The following TENM4 variants were observed in gnomAD, a reference collection of about 807,000 sequenced individuals.
The protein encoded by TENM4 is teneurin-4.
Under a neutral mutation model 243.3 loss-of-function variants are expected in TENM4, and 82 were observed. The ratio of observed to expected loss-of-function variants is 0.34; its 90% CI spans 0.28 to 0.40. The LOEUF is 0.40. TENM4 is among the 10% of genes least tolerant of loss of function. TENM4 has a pLI of 1.00. For missense variants in TENM4, 3,138 were observed against 3,673.3 expected, an observed-to-expected ratio of 0.85 and a Z score of 3.77; for synonymous variants, 1,412 against 1,456.3, an observed-to-expected ratio of 0.97 and a Z score of 0.69.
intron 3 of TENM4, among the ~76,000 whole-genome samples, chr11:79,174,250 G>T (rs1298977221): frequency 2.0e-5 from 3 of 151,892 alleles, no homozygotes; most frequent in Admixed American, 2.0e-4. Context: ...GCTGGGAGGG[G>T]TTTGCAAGAG....
chr11:78,843,408 G>A (rs1050891145), intron 12 of TENM4, among the ~76,000 whole-genome samples: 3 of 152,000 alleles, frequency 2.0e-5, no homozygotes, highest in African/African-American at 7.3e-5. Context: ...GATTGCTTGA[G>A]TCCAGGAGTT....
intron 4 of TENM4, among the ~76,000 whole-genome samples, chr11:79,083,758 A>G (rs151074818): frequency 1.3e-3 from 197 of 152,284 alleles, no homozygotes; most frequent in African/African-American, 4.6e-3. Flanking sequence ...AGGCTCTGGG[A>G]AGCAGTGGAG....
intron 25 of TENM4, 38 bp from the exon 26 acceptor site, chr11:78,712,752 C>A (rs1421872380): frequency 1.9e-6 from 3 of 1,587,756 alleles, no homozygotes; most frequent in Non-Finnish European, 2.6e-6. Context: ...TGAGCATTTT[C>A]TTCTTCCTAT....
chr11:78,986,579 T>G (rs1336722544), intron 6 of TENM4, among the ~76,000 whole-genome samples: 1 of 152,218 alleles, frequency 6.6e-6, no homozygotes, highest in Non-Finnish European at 1.5e-5. Flanking sequence ...GTTGTTTGTT[T>G]TTTGAGACAG....
intron 6 of TENM4, among the ~76,000 whole-genome samples, chr11:78,948,862 A>C (rs1307823989): frequency 6.6e-6 from 1 of 152,156 alleles, no homozygotes; most frequent in Non-Finnish European, 1.5e-5. Flanking sequence ...AATGTCCTGC[A>C]TTCTGGATGT....
intron 7 of TENM4, among the ~76,000 whole-genome samples, chr11:78,891,843 C>T (rs1023234219): frequency 6.6e-6 from 1 of 152,156 alleles, no homozygotes; most frequent in African/African-American, 2.4e-5. Flanking sequence ...TGGCTAGAGA[C>T]ACTCATTTGG....
chr11:79,436,523 T>C (rs765106581), intron 1 of TENM4, among the ~76,000 whole-genome samples: 220 of 152,264 alleles, frequency 1.4e-3, no homozygotes, highest in Non-Finnish European at 2.5e-3. Context: ...CCACAAAAGA[T>C]TGAGGAGACT....
chr11:79,047,143 C>T (rs868533631), intron 6 of TENM4, among the ~76,000 whole-genome samples: 1 of 152,202 alleles, frequency 6.6e-6, no homozygotes, highest in African/African-American at 2.4e-5. Flanking sequence ...CCCGCAATTA[C>T]TTTGCGCCAA....
chr11:79,206,175 C>A (rs1267542662), intron 3 of TENM4, among the ~76,000 whole-genome samples: 1 of 152,158 alleles, frequency 6.6e-6, no homozygotes, highest in East Asian at 1.9e-4. Flanking sequence ...AAAAAGAAGG[C>A]AGAAGAAAAG....
At chr11:79,347,762 C>CTTTT (rs528675032) in intron 1 of TENM4, among the ~76,000 whole-genome samples, 11 of 94,694 alleles carry the variant, frequency 1.2e-4, no homozygotes, top group East Asian at 3.1e-4. Flanking sequence ...CTATCCTCTC[C>CTTTT]TTTTTTTTTT....
At chr11:79,374,844 G>A (rs1857860444) in intron 1 of TENM4, among the ~76,000 whole-genome samples, 1 of 152,180 alleles carries the variant, frequency 6.6e-6, no homozygotes, top group East Asian at 1.9e-4. Context: ...TACGAAGCAG[G>A]CGAATGCGGT....
At chr11:79,295,619 G>C (rs930437353) in intron 2 of TENM4, among the ~76,000 whole-genome samples, 1 of 152,140 alleles carries the variant, frequency 6.6e-6, no homozygotes, top group African/African-American at 2.4e-5. Context: ...GAAGCAAAGA[G>C]ATCAGACAAG....
chr11:78,925,747 C>G (rs1044258726), intron 6 of TENM4, among the ~76,000 whole-genome samples: 1 of 152,050 alleles, frequency 6.6e-6, no homozygotes, highest in Non-Finnish European at 1.5e-5. Flanking sequence ...CATTCAAGGT[C>G]CATTAAGATC....
chr11:78,739,028 A>G (rs1036225140), intron 19 of TENM4, among the ~76,000 whole-genome samples: 2 of 151,978 alleles, frequency 1.3e-5, no homozygotes, highest in Non-Finnish European at 2.9e-5. Context: ...ACAAATGACA[A>G]TGGCTATTAC....
intron 6 of TENM4, among the ~76,000 whole-genome samples, chr11:78,916,706 T>C (rs1856324838): frequency 1.3e-5 from 2 of 152,142 alleles, no homozygotes; most frequent in South Asian, 4.1e-4. Flanking sequence ...TTCTCCATTT[T>C]GCAGATGAGA....
chr11:79,174,418 T>A (rs1863115849), intron 3 of TENM4, among the ~76,000 whole-genome samples: 1 of 152,176 alleles, frequency 6.6e-6, no homozygotes. Context: ...TTCAACCCAT[T>A]CTTCCCTTTG....
chr11:79,086,695 G>A (rs1860817806), intron 4 of TENM4, among the ~76,000 whole-genome samples: 1 of 152,004 alleles, frequency 6.6e-6, no homozygotes. Context: ...TTAGCTGGGT[G>A]TGGTGGCTTA....
intron 2 of TENM4, among the ~76,000 whole-genome samples, chr11:79,258,809 C>T (rs768992988): frequency 6.6e-6 from 1 of 152,178 alleles, no homozygotes; most frequent in Non-Finnish European, 1.5e-5. Flanking sequence ...CTCCCTGGCT[C>T]ACTAGAATGA....
intron 2 of TENM4, among the ~76,000 whole-genome samples, chr11:79,271,135 T>C (rs976526129): frequency 1.3e-5 from 2 of 152,100 alleles, no homozygotes; most frequent in African/African-American, 2.4e-5. Flanking sequence ...GACCAACAGG[T>C]ACTTGTATGC....
Sources: gnomAD v4.1 joint callset for allele counts (sites outside exome capture counted in the v4.1 genomes callset) on GRCh38, gnomAD v4.1.1 for gene constraint, MANE v1.5 for transcripts, NCBI Gene and HGNC (gene_info 2026-07-23, HGNC 2026-07-21) for gene names.